The following LINGO2 variants were observed in gnomAD, a reference collection of about 807,000 sequenced individuals.
The protein encoded by LINGO2 is leucine-rich repeat and immunoglobulin-like domain-containing nogo receptor-interacting protein 2.
A neutral mutation model predicts 30.6 loss-of-function variants in LINGO2; 14 were observed. The ratio of observed to expected loss-of-function variants is 0.46; its 90% CI spans 0.30 to 0.72. The LOEUF is 0.72. Ranked by LOEUF, LINGO2 falls within the 30% of genes least tolerant of loss-of-function variation. LINGO2 has a pLI of 0.07. For synonymous variants in LINGO2, 317 were observed against 288.5 expected (o/e 1.10, Z -1.00); for missense variants, 729 against 751.7 (o/e 0.97, Z 0.35).
intron 4 of LINGO2, among the ~76,000 whole-genome samples, chr9:28,272,078 T>G (rs1446919384): frequency 6.6e-6 from 1 of 152,180 alleles, no homozygotes; most frequent in East Asian, 1.9e-4. Context: ...TTCTTCCCCA[T>G]GTCATCCACT....
the LINGO2 span, among the ~76,000 whole-genome samples, chr9:29,112,871 C>A: frequency 1.3e-5 from 2 of 152,148 alleles, no homozygotes; most frequent in African/African-American, 4.8e-5. Context: ...ATGCTACAAT[C>A]TTTCTATGTA....
At chr9:28,389,431 A>G (rs1653050052) in intron 2 of LINGO2, among the ~76,000 whole-genome samples, 1 of 152,204 alleles carries the variant, frequency 6.6e-6, no homozygotes, top group South Asian at 2.1e-4. Context: ...TATCATAAAC[A>G]TTCTTCAACT....
the LINGO2 span, among the ~76,000 whole-genome samples, chr9:28,682,859 C>T: frequency 6.9e-6 from 1 of 144,686 alleles, no homozygotes; most frequent in African/African-American, 2.7e-5. Context: ...AGTTGGTTCT[C>T]TCTATGGCAG....
At chr9:28,398,265 A>G (rs1444415393) in intron 2 of LINGO2, among the ~76,000 whole-genome samples, 1 of 152,182 alleles carries the variant, frequency 6.6e-6, no homozygotes, top group East Asian at 1.9e-4. Flanking sequence ...TGAATTTAGA[A>G]GGCGTTGAAT....
chr9:28,799,711 C>G, the LINGO2 span, among the ~76,000 whole-genome samples: 1 of 152,108 alleles, frequency 6.6e-6, no homozygotes, highest in Non-Finnish European at 1.5e-5. Context: ...CTTACTATGT[C>G]ACAGAGTTGT....
At chr9:28,551,362 A>C (rs1245065981) in intron 1 of LINGO2, among the ~76,000 whole-genome samples, 1 of 151,860 alleles carries the variant, frequency 6.6e-6, no homozygotes, top group African/African-American at 2.4e-5. Flanking sequence ...TAAAGTATGT[A>C]TATTTATTAT....
intron 3 of LINGO2, among the ~76,000 whole-genome samples, chr9:28,301,281 C>T (rs1824131162): frequency 6.6e-6 from 1 of 151,748 alleles, no homozygotes; most frequent in Non-Finnish European, 1.5e-5. Flanking sequence ...TCCTTTGTAA[C>T]TATTGAGGAG....
the LINGO2 span, among the ~76,000 whole-genome samples, chr9:28,835,640 AG>A: frequency 6.6e-6 from 1 of 152,218 alleles, no homozygotes; most frequent in Non-Finnish European, 1.5e-5. Flanking sequence ...TGGGGTTGAG[AG>A]CCACTGATCA....
At chr9:28,472,483 C>A (rs921871026) in intron 2 of LINGO2, among the ~76,000 whole-genome samples, 8 of 151,930 alleles carry the variant, frequency 5.3e-5, no homozygotes, top group Admixed American at 6.6e-5. Flanking sequence ...AACTGTCAGA[C>A]CGAAGATAAT....
chr9:28,579,815 T>A (rs1464457), intron 1 of LINGO2, among the ~76,000 whole-genome samples: 89,808 of 151,800 alleles, frequency 0.59, 26,915 homozygotes, highest in East Asian at 0.69. Context: ...TTAGGGGAGA[T>A]AAGAAGAATG....
chr9:28,764,972 T>C, the LINGO2 span, among the ~76,000 whole-genome samples: 2 of 151,954 alleles, frequency 1.3e-5, no homozygotes, highest in South Asian at 2.1e-4. Flanking sequence ...CTGAACATTA[T>C]ACTTTCATAA....
chr9:27,977,884 T>C (rs943400623), intron 5 of LINGO2, among the ~76,000 whole-genome samples: 3 of 152,120 alleles, frequency 2.0e-5, no homozygotes, highest in African/African-American at 4.8e-5. Context: ...AGATCTCATA[T>C]TAAACAAAGT....
At chr9:27,974,094 C>G (rs971834407) in intron 5 of LINGO2, among the ~76,000 whole-genome samples, 3 of 152,146 alleles carry the variant, frequency 2.0e-5, no homozygotes, top group Non-Finnish European at 2.9e-5. Flanking sequence ...CACAATCAAG[C>G]TGTTATTGAT....
At chr9:29,062,874 C>A in the LINGO2 span, among the ~76,000 whole-genome samples, 3 of 152,116 alleles carry the variant, frequency 2.0e-5, no homozygotes, top group Non-Finnish European at 2.9e-5. Context: ...TCCTCAGAAG[C>A]AATGTCTTTC....
the LINGO2 span, among the ~76,000 whole-genome samples, chr9:28,758,830 T>G: frequency 2.5e-3 from 377 of 152,230 alleles, 7 homozygotes; most frequent in African/African-American, 8.4e-3. Flanking sequence ...ACTTATGTAA[T>G]AACGATAACT....
intron 3 of LINGO2, among the ~76,000 whole-genome samples, chr9:28,360,938 C>T (rs1820414472): frequency 6.6e-6 from 1 of 152,140 alleles, no homozygotes; most frequent in East Asian, 1.9e-4. Context: ...ATAGTCCCCC[C>T]CTTATTTGTG....
the LINGO2 span, among the ~76,000 whole-genome samples, chr9:29,056,045 T>G: frequency 6.6e-6 from 1 of 151,832 alleles, no homozygotes; most frequent in Non-Finnish European, 1.5e-5. Context: ...TTCCATAGTT[T>G]TGTTACTGTG....
chr9:27,976,302 G>A (rs192583372), intron 5 of LINGO2, among the ~76,000 whole-genome samples: 263 of 132,224 alleles, frequency 2.0e-3, no homozygotes, highest in African/African-American at 7.1e-3. Context: ...TTAGATTAGG[G>A]TTCTCAAAGT....
At chr9:28,762,247 G>A in the LINGO2 span, among the ~76,000 whole-genome samples, 16 of 151,706 alleles carry the variant, frequency 1.1e-4, no homozygotes, top group Non-Finnish European at 2.4e-4. Context: ...CAATATAAGA[G>A]GCTGTTATAA....
Sources: allele counts gnomAD v4.1 joint callset (sites outside exome capture counted in the v4.1 genomes callset), GRCh38; gene constraint gnomAD v4.1.1; transcripts MANE v1.5; gene names NCBI Gene and HGNC (gene_info 2026-07-23, HGNC 2026-07-21).